ASB3: variants seen among roughly 807,000 people sequenced by gnomAD.
ASB3 encodes ankyrin repeat and SOCS box protein 3.
ASB3 carries 41 observed loss-of-function variants against 54.5 expected under a neutral mutation model. That is an observed-to-expected ratio of 0.75 (90% CI 0.59 to 0.98). The LOEUF is 0.98. Among genes scored for constraint, ASB3 ranks in the 50% least tolerant of loss-of-function variants. The pLI, the probability that ASB3 is intolerant of heterozygous loss-of-function variation, is 0.00. For synonymous variants in ASB3, 266 were observed against 221.2 expected, an observed-to-expected ratio of 1.20 and a Z score of -1.80; for missense variants, 733 against 620.0, an observed-to-expected ratio of 1.18 and a Z score of -1.94.
chr2:53,704,449 A>G (rs1451047527), intron 7 of ASB3, among the ~76,000 whole-genome samples: 1 of 152,090 alleles, frequency 6.6e-6, no homozygotes, highest in Non-Finnish European at 1.5e-5. Context: ...ATAATTGGTG[A>G]CTGTAATTAA....
intron 2 of ASB3, among the ~76,000 whole-genome samples, chr2:53,756,587 A>G (rs1192887675): frequency 6.6e-6 from 1 of 152,126 alleles, no homozygotes; most frequent in African/African-American, 2.4e-5. Context: ...GCCCTCACCA[A>G]TGTGGGCAGG....
At position 53,712,825 on chromosome 2, in the gene ASB3, C is replaced by T. The variant is rs114102734; in HGVS notation, c.980+1559G>A. 6.4e-3 allele frequency among the ~76,000 whole-genome samples: 972 copies of T among 152,258 alleles called. 12 individuals are homozygous for T. Among genetic ancestry groups the T allele is most frequent in the African/African-American group, 0.022 (933 of 41,558 alleles). Reference sequence around the variant, plus strand: ...ATATTCTGGTCTAATAAGAAATGTTCAGTTCTGTAACGGACTTAAGATTTG... The same window carrying T: ...ATATTCTGGTCTAATAAGAAATGTTTAGTTCTGTAACGGACTTAAGATTTG... On this transcript the variant is annotated intron_variant, in intron 7 of 9. Transcript: ENST00000263634.
At chr2:53,672,244 T>A (rs1198783162) in intron 9 of ASB3, among the ~76,000 whole-genome samples, 1 of 152,268 alleles carries the variant, frequency 6.6e-6, no homozygotes. Flanking sequence ...TCTTAAATCA[T>A]GAGTCATAGA....
intron 1 of ASB3, chr2:53,774,535 C>A: frequency 6.6e-7 from 1 of 1,514,958 alleles, no homozygotes; most frequent in Admixed American, 2.4e-5. Flanking sequence ...ATTTAGTCTT[C>A]AGAGAATTAA....
intron 1 of ASB3, among the ~76,000 whole-genome samples, chr2:53,785,650 C>T (rs1488056354): frequency 6.6e-6 from 1 of 152,200 alleles, no homozygotes; most frequent in African/African-American, 2.4e-5. Context: ...CGAGACCAGC[C>T]TGGCCAACGT....
intron 5 of ASB3, among the ~76,000 whole-genome samples, chr2:53,727,692 A>AG (rs1671081600): frequency 1.3e-5 from 2 of 152,090 alleles, no homozygotes; most frequent in South Asian, 4.2e-4. Flanking sequence ...TTCTATTTAA[A>AG]GGAAGTTTAT....
At chr2:53,773,524 G>A (rs922960143) in intron 1 of ASB3, among the ~76,000 whole-genome samples, 6 of 152,106 alleles carry the variant, frequency 3.9e-5, no homozygotes, top group Admixed American at 1.3e-4. Flanking sequence ...TCTGCCACCC[G>A]GGTTCAAGCA....
intron 6 of ASB3, among the ~76,000 whole-genome samples, chr2:53,715,184 A>T (rs1041897858): frequency 2.6e-5 from 4 of 152,172 alleles, no homozygotes; most frequent in African/African-American, 9.6e-5. Context: ...CTAGGTAGAG[A>T]AAGTTCTAAG....
intron 3 of ASB3, among the ~76,000 whole-genome samples, chr2:53,737,168 A>T (rs1558549858): frequency 6.6e-6 from 1 of 152,184 alleles, no homozygotes; most frequent in Non-Finnish European, 1.5e-5. Flanking sequence ...TCGGGTATTA[A>T]TCAACAGGCA....
chr2:53,700,568 G>C (rs1455352084), intron 7 of ASB3, 40 bp from the exon 8 acceptor site: 4 of 1,565,878 alleles, frequency 2.6e-6, no homozygotes, highest in Non-Finnish European at 3.4e-6. Flanking sequence ...GAAGAAGTTA[G>C]ACTTTGACAT....
At chr2:53,767,873 G>C in intron 1 of ASB3, 3 of 1,599,938 alleles carry the variant, frequency 1.9e-6, no homozygotes, top group Non-Finnish European at 2.6e-6. Flanking sequence ...CTGGGGCAGA[G>C]GAGCCGCGAG....
intron 2 of ASB3, among the ~76,000 whole-genome samples, chr2:53,757,510 T>C (rs569788945): frequency 3.9e-5 from 6 of 152,346 alleles, no homozygotes; most frequent in Non-Finnish European, 5.9e-5. Flanking sequence ...GTCCCGACCA[T>C]GACTTTCTTG....
At position 53,716,826 on chromosome 2, in the gene ASB3, A is replaced by G. The variant is rs957031125; in HGVS notation, c.605-83T>C. The G allele has an allele frequency of 6.3e-6, 9 of 1,422,362 alleles. No homozygotes were observed. The African/African-American group carries it at 1.1e-4, about 18-fold the overall frequency. The allele number at this position is 1,422,362 out of a possible 1,614,324, so 88.1% of individuals were successfully genotyped here. A position where few individuals can be genotyped will look rare whatever the true frequency, so the allele number is the denominator to read the frequency against. ...CAAATTTCAAAGGAACTACCATAAAAGGGTTTCGTAGCACGGTAAGCTTTT... is the reference window on the plus strand; with the variant it reads ...CAAATTTCAAAGGAACTACCATAAAGGGGTTTCGTAGCACGGTAAGCTTTT... On this transcript the variant is annotated intron_variant, in intron 5 of 9. Coordinates refer to ENST00000263634, the MANE Select transcript of ASB3 (RefSeq NM_016115.5).
intron 8 of ASB3, among the ~76,000 whole-genome samples, chr2:53,695,285 C>T (rs1669125134): frequency 6.6e-6 from 1 of 152,050 alleles, no homozygotes; most frequent in Non-Finnish European, 1.5e-5. Flanking sequence ...CTTAATTCTC[C>T]AATAAGCAAA....
chr2:53,707,507 G>A lies in ASB3; in HGVS notation c.980+6877C>T, dbSNP rs188649906. 2.2e-3 allele frequency among the ~76,000 whole-genome samples: 338 copies of A among 151,960 alleles called. 1 individual carries two copies. Among genetic ancestry groups the A allele is most frequent in the Non-Finnish European group, 3.6e-3 (246 of 67,986 alleles). On this transcript the variant is annotated intron_variant, in intron 7 of 9. Transcript: ENST00000263634. ...AAAATACAAAAACAAAATTATCTGC[G>A]CGTGATGGCGGGCACCTGTAGTCCC...
intron 1 of ASB3, among the ~76,000 whole-genome samples, chr2:53,776,028 G>C (rs548970804): frequency 1.1e-4 from 16 of 152,232 alleles, no homozygotes; most frequent in Middle Eastern, 3.4e-3. Flanking sequence ...TCTTTCTCAA[G>C]AGGACATATA....
intron 9 of ASB3, among the ~76,000 whole-genome samples, chr2:53,679,184 C>T (rs917650048): frequency 6.6e-6 from 1 of 152,172 alleles, no homozygotes; most frequent in Non-Finnish European, 1.5e-5. Context: ...TGCTTCTGCA[C>T]CCCAATACAA....
chr2:53,699,810 G>T (rs1305357960), intron 8 of ASB3, among the ~76,000 whole-genome samples: 1 of 152,108 alleles, frequency 6.6e-6, no homozygotes. Flanking sequence ...GGAACTACCT[G>T]AAGTAAACAA....
chr2:53,752,039 A>T (rs928237340), intron 2 of ASB3, among the ~76,000 whole-genome samples: 1 of 152,240 alleles, frequency 6.6e-6, no homozygotes, highest in Admixed American at 6.5e-5. Flanking sequence ...GTGAATACAA[A>T]TGACATGAAA....
Sources: allele counts gnomAD v4.1 joint callset (sites outside exome capture counted in the v4.1 genomes callset), GRCh38; gene constraint gnomAD v4.1.1; transcripts MANE v1.5; gene names NCBI Gene and HGNC (gene_info 2026-07-23, HGNC 2026-07-21).